Variants in UPRT observed in about 807,000 individuals in gnomAD.
UPRT encodes RP11-311P8.3.
Under a neutral mutation model 22.6 loss-of-function variants are expected in UPRT, and 5 were observed. The observed-to-expected ratio is 0.22, with a 90% confidence interval of 0.12 to 0.47. The LOEUF (loss-of-function observed/expected upper bound fraction) is 0.47, where lower values mean the gene tolerates loss of function less well. Among genes scored for constraint, UPRT ranks in the 20% least tolerant of loss-of-function variants. UPRT has a pLI of 0.99. For synonymous variants in UPRT, 77 were observed against 87.7 expected (o/e 0.88, Z 0.68); for missense variants, 181 against 239.9 (o/e 0.75, Z 1.62).
At chrX:75,240,643 C>T (rs1261013202) in intron 4 of UPRT, among the ~76,000 whole-genome samples, 1 of 111,460 alleles carries the variant, frequency 9.0e-6, no homozygotes, top group Admixed American at 9.6e-5. Context: ...GCAAAAAGAA[C>T]AAATCTGGAG....
chrX:75,266,999 A>T (rs1355805128), intron 4 of UPRT, among the ~76,000 whole-genome samples: 3 of 111,493 alleles, frequency 2.7e-5, no homozygotes, highest in Non-Finnish European at 5.7e-5. Flanking sequence ...GGGACTGTAA[A>T]CTGGTTCAAT....
At chrX:75,250,236 CA>C (rs777961760) in intron 4 of UPRT, among the ~76,000 whole-genome samples, 28 of 108,590 alleles carry the variant, frequency 2.6e-4, no homozygotes, top group African/African-American at 6.7e-4. Flanking sequence ...GAAATAGAGA[CA>C]AAAAAAACCC....
At position 75,260,293 on chromosome X, in the gene UPRT, A is replaced by C. The variant is rs182646060; in HGVS notation, c.-446-30731A>C. 7.8e-3 allele frequency among the ~76,000 whole-genome samples: 882 copies of C among 112,664 alleles called. 10 individuals carry two copies. The highest frequency in any genetic ancestry group is 0.026 in the African/African-American group (809 of 31,059). ...TGTAAATGGGCTAAATGCTCCAATT[A>C]AAAGACACAGACTGGCAAATTGGAT... is the stretch of plus-strand genomic sequence containing the variant. On this transcript the variant is annotated intron_variant, in intron 4 of 13. Coordinates refer to the UPRT transcript ENST00000652605.
chrX:75,209,500 A>G (rs2082374959), intron 4 of UPRT, among the ~76,000 whole-genome samples: 1 of 111,865 alleles, frequency 8.9e-6, no homozygotes, highest in African/African-American at 3.3e-5. Context: ...CAGCCTCCCA[A>G]GTAGCTGGGA....
At chrX:75,196,839 T>C (rs2082333942) in intron 4 of UPRT, among the ~76,000 whole-genome samples, 1 of 111,128 alleles carries the variant, frequency 9.0e-6, no homozygotes, top group Non-Finnish European at 1.9e-5. Context: ...AAAGTGAGAC[T>C]CTTTCTCAAA....
At chrX:75,284,042 G>T (rs920915091) in intron 1 of UPRT, among the ~76,000 whole-genome samples, 4 of 111,317 alleles carry the variant, frequency 3.6e-5, no homozygotes, top group African/African-American at 1.3e-4. Flanking sequence ...CAAATACCTT[G>T]TCTTCAAGCT....
chrX:75,291,718 T>C (rs774485528), intron 1 of UPRT, among the ~76,000 whole-genome samples: 40 of 111,564 alleles, frequency 3.6e-4, no homozygotes, highest in Non-Finnish European at 3.8e-4. Context: ...ATAGTATGGA[T>C]CTGAAGTCCG....
intron 4 of UPRT, among the ~76,000 whole-genome samples, chrX:75,179,519 C>G (rs2082261908): frequency 8.8e-6 from 1 of 113,551 alleles, no homozygotes; most frequent in Non-Finnish European, 1.9e-5. Flanking sequence ...GCTCGCACTC[C>G]TCAGCCCTTC....
At chrX:75,217,301 T>C (rs1156995783) in intron 4 of UPRT, among the ~76,000 whole-genome samples, 1 of 111,315 alleles carries the variant, frequency 9.0e-6, no homozygotes, top group Non-Finnish European at 1.9e-5. Context: ...CTTTTTTGGT[T>C]CCATATGAAC....
chrX:75,298,135 T>A (rs956441773), intron 4 of UPRT, among the ~76,000 whole-genome samples: 5 of 108,667 alleles, frequency 4.6e-5, no homozygotes, highest in African/African-American at 1.7e-4. Context: ...CATGCCACTA[T>A]ACCTAGCAAA....
intron 4 of UPRT, among the ~76,000 whole-genome samples, chrX:75,267,901 A>T (rs1421130600): frequency 9.0e-6 from 1 of 111,484 alleles, no homozygotes; most frequent in Non-Finnish European, 1.9e-5. Flanking sequence ...GACAAGAAAT[A>T]ACTAAGATCA....
intron 4 of UPRT, among the ~76,000 whole-genome samples, chrX:75,172,760 G>A (rs1336006558): frequency 3.6e-5 from 4 of 109,698 alleles, no homozygotes; most frequent in Non-Finnish European, 7.6e-5. Flanking sequence ...AAGGCAGCGC[G>A]TTTGGAGTTG....
At chrX:75,265,386 T>G (rs971838609) in intron 4 of UPRT, among the ~76,000 whole-genome samples, 1 of 111,669 alleles carries the variant, frequency 9.0e-6, no homozygotes, top group Non-Finnish European at 1.9e-5. Flanking sequence ...TTTCTTTTTA[T>G]TCTTTTTTCT....
intron 1 of UPRT, among the ~76,000 whole-genome samples, chrX:75,157,769 C>G (rs2082186859): frequency 8.9e-6 from 1 of 111,944 alleles, no homozygotes; most frequent in Non-Finnish European, 1.9e-5. Context: ...GGCAGTAGAT[C>G]GATTGCAGGG....
intron 4 of UPRT, among the ~76,000 whole-genome samples, chrX:75,175,861 C>T (rs1185626456): frequency 9.0e-6 from 1 of 111,511 alleles, no homozygotes; most frequent in East Asian, 2.8e-4. Context: ...TCTGATCTCG[C>T]TTTTCCTTTT....
intron 4 of UPRT, among the ~76,000 whole-genome samples, chrX:75,266,027 G>C (rs1344459535): frequency 9.0e-6 from 1 of 111,050 alleles, no homozygotes; most frequent in Non-Finnish European, 1.9e-5. Flanking sequence ...AGGTAATTTA[G>C]AGATTCAATG....
chrX:75,251,412 C>T (rs1198351349), intron 4 of UPRT, among the ~76,000 whole-genome samples: 1 of 111,349 alleles, frequency 9.0e-6, no homozygotes, highest in Non-Finnish European at 1.9e-5. Context: ...TTCTTATACA[C>T]CAATAACAGA....
intron 4 of UPRT, among the ~76,000 whole-genome samples, chrX:75,232,397 A>G (rs2082441716): frequency 8.9e-6 from 1 of 112,675 alleles, no homozygotes; most frequent in Admixed American, 9.3e-5. Flanking sequence ...TTGCTTAGGT[A>G]AACAAAGCAG....
chrX:75,277,141 A>T (rs2082634593), intron 1 of UPRT, among the ~76,000 whole-genome samples: 1 of 112,014 alleles, frequency 8.9e-6, no homozygotes, highest in South Asian at 3.7e-4. Context: ...CAGTTGGTGA[A>T]CATTTGGGTG....
Sources: allele counts gnomAD v4.1 joint callset (sites outside exome capture counted in the v4.1 genomes callset), GRCh38; gene constraint gnomAD v4.1.1; transcripts MANE v1.5; gene names NCBI Gene and HGNC (gene_info 2026-07-23, HGNC 2026-07-21).